The following RGS7BP variants were observed in gnomAD, a reference collection of about 807,000 sequenced individuals.
RGS7BP encodes the protein regulator of G protein signaling 7 binding protein, also known as regulator of G protein signaling 7-binding protein.
RGS7BP carries 9 observed loss-of-function variants against 31.3 expected under a neutral mutation model. That is an observed-to-expected ratio of 0.29 (90% CI 0.17 to 0.50). The LOEUF is 0.50. RGS7BP is among the 20% of genes least tolerant of loss of function. The pLI is 0.98. For synonymous variants in RGS7BP, 115 were observed against 120.1 expected, an observed-to-expected ratio of 0.96 and a Z score of 0.28; for missense variants, 274 against 322.0, an observed-to-expected ratio of 0.85 and a Z score of 1.14.
At chr5:64,528,397 C>T (rs1460024180) in intron 2 of RGS7BP, among the ~76,000 whole-genome samples, 1 of 152,084 alleles carries the variant, frequency 6.6e-6, no homozygotes, top group Non-Finnish European at 1.5e-5. Flanking sequence ...AAGATTAGGT[C>T]ACATTTAAGC....
intron 2 of RGS7BP, among the ~76,000 whole-genome samples, chr5:64,538,523 CTTTT>C (rs1741436816): frequency 3.6e-5 from 1 of 27,484 alleles, no homozygotes; most frequent in Non-Finnish European, 6.9e-5. Context: ...TTTTCCTTTT[CTTTT>C]CTTTTTTTTT....
chr5:64,592,215 C>G (rs1742938402), intron 3 of RGS7BP, among the ~76,000 whole-genome samples: 1 of 152,062 alleles, frequency 6.6e-6, no homozygotes, highest in African/African-American at 2.4e-5. Flanking sequence ...GACATGTTAG[C>G]TAAAGAAGAT....
At chr5:64,571,025 C>T (rs1000308674) in intron 2 of RGS7BP, among the ~76,000 whole-genome samples, 1 of 151,974 alleles carries the variant, frequency 6.6e-6, no homozygotes, top group African/African-American at 2.4e-5. Context: ...TGTATACACC[C>T]GTGTAACTAA....
chr5:64,562,292 G>A (rs1490867134), intron 2 of RGS7BP, among the ~76,000 whole-genome samples: 1 of 151,990 alleles, frequency 6.6e-6, no homozygotes. Flanking sequence ...AAAGATATAA[G>A]GTTCTCTAGG....
intron 2 of RGS7BP, among the ~76,000 whole-genome samples, chr5:64,537,094 T>C (rs1741394582): frequency 6.6e-6 from 1 of 152,178 alleles, no homozygotes; most frequent in African/African-American, 2.4e-5. Context: ...GTGGAGATGA[T>C]GTATAATGAG....
chr5:64,518,873 G>C (rs930128078), intron 2 of RGS7BP, among the ~76,000 whole-genome samples: 3 of 152,058 alleles, frequency 2.0e-5, no homozygotes. Context: ...CTATGTTCCA[G>C]GCAAGTAGAA....
Position 64,606,021 on chromosome 5 carries a change from C to CATAT in RGS7BP, c.683-3124_683-3121dup, listed in dbSNP as rs66605526. ...TGCTATATATATGTATATCTGGATA[C>CATAT]ATATATATATATATATATAGAGAGA... On this transcript the variant is annotated intron_variant, in intron 5 of 5. Transcript: ENST00000334025. 4.2e-4 allele frequency among the ~76,000 whole-genome samples: 48 copies of CATAT among 115,266 alleles called. No homozygotes were observed. In the East Asian group the frequency reaches 6.0e-3, roughly 14 times the overall value. 75.6% of individuals were successfully genotyped at this position (115,266 alleles called of 152,430 possible).
chr5:64,570,891 C>T (rs1384762792), intron 2 of RGS7BP, among the ~76,000 whole-genome samples: 1 of 152,116 alleles, frequency 6.6e-6, no homozygotes, highest in Non-Finnish European at 1.5e-5. Flanking sequence ...AAACTTTACT[C>T]ATAAACAATT....
At chr5:64,533,882 G>T (rs1749438470) in intron 2 of RGS7BP, among the ~76,000 whole-genome samples, 1 of 152,056 alleles carries the variant, frequency 6.6e-6, no homozygotes, top group Non-Finnish European at 1.5e-5. Flanking sequence ...CAGGCACTGG[G>T]GATACCCCAG....
At chr5:64,601,621 G>A (rs149261376) in intron 5 of RGS7BP, 1 of 163,332 alleles carries the variant, frequency 6.1e-6, no homozygotes, top group East Asian at 1.9e-4. Context: ...CTGCAGACAA[G>A]GGCCAGGTCT....
At chr5:64,598,508 AT>A in intron 5 of RGS7BP, 73 bp downstream of exon 5, 1 of 927,384 alleles carries the variant, frequency 1.1e-6, no homozygotes, top group Non-Finnish European at 1.8e-6. Flanking sequence ...TTTCTTGGAA[AT>A]TAAAGCATGT....
intron 2 of RGS7BP, among the ~76,000 whole-genome samples, chr5:64,528,399 C>T (rs1013473799): frequency 2.6e-5 from 4 of 152,136 alleles, no homozygotes; most frequent in Admixed American, 2.6e-4. Context: ...GATTAGGTCA[C>T]ATTTAAGCAC....
At chr5:64,510,387 T>C (rs1019213065) in intron 2 of RGS7BP, among the ~76,000 whole-genome samples, 2 of 152,144 alleles carry the variant, frequency 1.3e-5, no homozygotes, top group Non-Finnish European at 2.9e-5. Flanking sequence ...GGATACATGA[T>C]AAAATATAAA....
At chr5:64,533,766 G>A (rs1317913423) in intron 2 of RGS7BP, among the ~76,000 whole-genome samples, 2 of 152,158 alleles carry the variant, frequency 1.3e-5, no homozygotes, top group Admixed American at 6.5e-5. Context: ...AAGTTTAAAC[G>A]TTATGCCAAC....
Position 64,610,267 on chromosome 5 carries a change from C to A in RGS7BP, c.*1015C>A, listed in dbSNP as rs980991934. ...CGTGTACTTGGTGTCTTGTCTTATG[C>A]TTAGACTCTTGAAAGCAGGACACAT... is the stretch of plus-strand genomic sequence containing the variant. On this transcript the variant is annotated 3_prime_UTR_variant, in exon 6 of 6. Transcript: ENST00000334025. 2 of 152,312 alleles carry A rather than the reference C, an allele frequency of 1.3e-5. No homozygotes were observed. Among genetic ancestry groups the A allele is most frequent in the Non-Finnish European group, 2.9e-5 (2 of 67,910 alleles). 9.4% of individuals were successfully genotyped at this position (152,312 alleles called of 1,614,324 possible). A position where few individuals can be genotyped will look rare whatever the true frequency, so the allele number is the denominator to read the frequency against.
intron 2 of RGS7BP, among the ~76,000 whole-genome samples, chr5:64,512,114 T>C (rs1041144220): frequency 6.6e-6 from 1 of 152,194 alleles, no homozygotes; most frequent in Admixed American, 6.5e-5. Flanking sequence ...GCTGGGGGGC[T>C]GGTGGTCAGG....
Position 64,612,274 on chromosome 5 carries a change from C to G in RGS7BP, c.*3022C>G, listed in dbSNP as rs756002160. On this transcript the variant is annotated 3_prime_UTR_variant, in exon 6 of 6. Transcript: ENST00000334025. ...GGTAAGATAAGTGAAGAAATGCCCACAAGGCCAAGGTGTCACTTAAAAAAA... is the reference window on the plus strand; with the variant it reads ...GGTAAGATAAGTGAAGAAATGCCCAGAAGGCCAAGGTGTCACTTAAAAAAA... The G allele has an allele frequency of 6.6e-6, 1 of 151,958 alleles. No homozygotes were observed. Among genetic ancestry groups the G allele is most frequent in the Non-Finnish European group, 1.5e-5 (1 of 67,848 alleles). 9.4% of individuals were successfully genotyped at this position (151,958 alleles called of 1,614,324 possible). A position where few individuals can be genotyped will look rare whatever the true frequency, so the allele number is the denominator to read the frequency against.
At chr5:64,605,426 C>A (rs1223304698) in intron 5 of RGS7BP, among the ~76,000 whole-genome samples, 1 of 152,062 alleles carries the variant, frequency 6.6e-6, no homozygotes, top group South Asian at 2.1e-4. Flanking sequence ...TGTCTGGGAA[C>A]TTGTAAGAAA....
chr5:64,590,142 A>G (rs1285858538), intron 3 of RGS7BP, among the ~76,000 whole-genome samples: 1 of 152,108 alleles, frequency 6.6e-6, no homozygotes, highest in African/African-American at 2.4e-5. Flanking sequence ...ATAAAAGAGA[A>G]GAGAACAGTG....
Sources: gnomAD v4.1 joint callset for allele counts (sites outside exome capture counted in the v4.1 genomes callset) on GRCh38, gnomAD v4.1.1 for gene constraint, MANE v1.5 for transcripts, NCBI Gene and HGNC (gene_info 2026-07-23, HGNC 2026-07-21) for gene names.